The following ACBD5 variants were observed in gnomAD, a reference collection of about 807,000 sequenced individuals.
ACBD5 encodes acyl-CoA binding domain containing 5.
A neutral mutation model predicts 71.8 loss-of-function variants in ACBD5; 40 were observed. That is an observed-to-expected ratio of 0.56 (90% CI 0.43 to 0.72). The LOEUF (loss-of-function observed/expected upper bound fraction) is 0.72. ACBD5 is among the 30% of genes least tolerant of loss of function. The pLI, the probability that ACBD5 is intolerant of heterozygous loss-of-function variation, is 0.00. For synonymous variants in ACBD5, 229 were observed against 218.6 expected, an observed-to-expected ratio of 1.05 and a Z score of -0.42; for missense variants, 559 against 644.5, an observed-to-expected ratio of 0.87 and a Z score of 1.44.
intron 2 of ACBD5, among the ~76,000 whole-genome samples, chr10:27,238,949 G>C (rs2065115167): frequency 6.6e-6 from 1 of 152,182 alleles, no homozygotes; most frequent in Non-Finnish European, 1.5e-5. Flanking sequence ...TGTAATCCCA[G>C]CACTTTGGGT....
chr10:27,234,220 C>A (rs939196340), intron 3 of ACBD5, among the ~76,000 whole-genome samples: 8 of 152,008 alleles, frequency 5.3e-5, no homozygotes. Flanking sequence ...ATCTATAATT[C>A]TTTTAGTTTA....
chr10:27,199,440 GTCTT>G (rs2059690254), intron 12 of ACBD5, among the ~76,000 whole-genome samples: 1 of 152,098 alleles, frequency 6.6e-6, no homozygotes, highest in South Asian at 2.1e-4. Flanking sequence ...TCTTTGTGAG[GTCTT>G]TCTGTTTTGT....
chr10:27,185,651 G>A (rs1253066647), intron 13 of ACBD5, among the ~76,000 whole-genome samples: 1 of 150,616 alleles, frequency 6.6e-6, no homozygotes, highest in Non-Finnish European at 1.5e-5. Context: ...AGCCAGGCAT[G>A]GTAGCACTCA....
intron 12 of ACBD5, among the ~76,000 whole-genome samples, chr10:27,203,870 CA>C (rs1271658952): frequency 1.3e-5 from 2 of 152,090 alleles, no homozygotes; most frequent in Non-Finnish European, 2.9e-5. Context: ...CTCCTTTGCT[CA>C]AGTAATCCTC....
intron 4 of ACBD5, among the ~76,000 whole-genome samples, chr10:27,229,367 ATCACCTGAGG>A (rs1443498175): frequency 6.6e-6 from 1 of 151,850 alleles, no homozygotes; most frequent in African/African-American, 2.4e-5. Context: ...AGGTGAGTGT[ATCACCTGAGG>A]TCAGGAGTTC....
chr10:27,237,287 C>A (rs1230347157), intron 2 of ACBD5, among the ~76,000 whole-genome samples: 32 of 152,018 alleles, frequency 2.1e-4, no homozygotes, highest in Admixed American at 2.1e-3. Flanking sequence ...AGATTTCTGT[C>A]CTCAAGGTGC....
chr10:27,221,021 C>T (rs144407982), intron 5 of ACBD5, among the ~76,000 whole-genome samples: 229 of 152,254 alleles, frequency 1.5e-3, no homozygotes, highest in African/African-American at 5.1e-3. Flanking sequence ...GACAAATGTA[C>T]GTGGTTATTC....
chr10:27,201,412 CTT>C (rs1332271530), intron 12 of ACBD5, among the ~76,000 whole-genome samples: 1 of 152,124 alleles, frequency 6.6e-6, no homozygotes, highest in African/African-American at 2.4e-5. Flanking sequence ...TAAGAAATCT[CTT>C]TTACTTTTAA....
At chr10:27,198,284 T>C (rs1361976913) in intron 12 of ACBD5, among the ~76,000 whole-genome samples, 4 of 152,164 alleles carry the variant, frequency 2.6e-5, no homozygotes, top group South Asian at 2.1e-4. Flanking sequence ...AACTTGGATA[T>C]ATATAATATG....
At chr10:27,222,162 C>T (rs1223133832) in intron 5 of ACBD5, among the ~76,000 whole-genome samples, 1 of 151,598 alleles carries the variant, frequency 6.6e-6, no homozygotes, top group Non-Finnish European at 1.5e-5. Context: ...CCATTATTGT[C>T]AATTATTAAA....
At chr10:27,194,117 G>A (rs980785875), downstream of ACBD5, among the ~76,000 whole-genome samples, 6 of 152,012 alleles carry the variant, frequency 3.9e-5, no homozygotes, top group Non-Finnish European at 7.4e-5. Context: ...CCAGGAGTGT[G>A]GCATATGCCT....
At chr10:27,229,749 G>A (rs970753097) in intron 4 of ACBD5, among the ~76,000 whole-genome samples, 2 of 151,994 alleles carry the variant, frequency 1.3e-5, no homozygotes, top group South Asian at 2.1e-4. Context: ...ATTCAAAAGA[G>A]TAATCAAATT....
intron 5 of ACBD5, 112 bp downstream of exon 5, chr10:27,223,226 T>C: frequency 1.3e-6 from 1 of 797,780 alleles, no homozygotes. Flanking sequence ...ATTTAGAGAT[T>C]TTCTCCAGTC....
intron 4 of ACBD5, among the ~76,000 whole-genome samples, chr10:27,224,905 C>T (rs1013336227): frequency 1.3e-5 from 2 of 152,176 alleles, no homozygotes; most frequent in South Asian, 2.1e-4. Flanking sequence ...GTGGCATGCA[C>T]CTGTGATCCC....
rs1349874549 is a variant in ACBD5, at chr10:27,196,210, A to G, written c.*1220T>C. ...AGAGAAACTCCATTTAAAAAAAAAA[A>G]TTATTTGTTACAAAGACTGCATCAA... On this transcript the variant is annotated 3_prime_UTR_variant, in exon 13 of 13. Transcript: ENST00000396271. 1 of 453,878 alleles carries G rather than the reference A, an allele frequency of 2.2e-6. No homozygotes were observed. The highest frequency in any genetic ancestry group is 2.4e-5 in the Admixed American group (1 of 42,542). 28.1% of individuals were successfully genotyped at this position (453,878 alleles called of 1,614,324 possible).
chr10:27,207,049 G>A (rs1330512490), intron 10 of ACBD5, among the ~76,000 whole-genome samples: 4 of 151,630 alleles, frequency 2.6e-5, no homozygotes, highest in African/African-American at 4.8e-5. Flanking sequence ...AGGCTGAGGC[G>A]GGTGGATCAC....
intron 9 of ACBD5, among the ~76,000 whole-genome samples, chr10:27,208,991 C>A (rs2060772987): frequency 6.6e-6 from 1 of 152,188 alleles, no homozygotes; most frequent in East Asian, 1.9e-4. Context: ...ACATAATATA[C>A]TAATACATTA....
downstream of ACBD5, among the ~76,000 whole-genome samples, chr10:27,193,114 C>CGTGT (rs58983291): frequency 0.016 from 1,261 of 80,254 alleles, 23 homozygotes; most frequent in Non-Finnish European, 0.021. Flanking sequence ...TTCCTTCCTT[C>CGTGT]GTGTGTGTGT....
At chr10:27,211,980 T>A (rs1042945400) in intron 8 of ACBD5, among the ~76,000 whole-genome samples, 18 of 151,998 alleles carry the variant, frequency 1.2e-4, no homozygotes, top group African/African-American at 4.1e-4. Flanking sequence ...AGGAAGGGAC[T>A]TGACACATTA....
Sources: allele counts gnomAD v4.1 joint callset (sites outside exome capture counted in the v4.1 genomes callset), GRCh38; gene constraint gnomAD v4.1.1; transcripts MANE v1.5; gene names NCBI Gene and HGNC (gene_info 2026-07-23, HGNC 2026-07-21).